Variants in CLVS2 observed in about 807,000 individuals in gnomAD.
CLVS2 encodes the protein clavesin-2.
In CLVS2, 19 loss-of-function variants were observed where a neutral mutation model predicts 29.0. The observed-to-expected ratio is 0.66, with a 90% CI of 0.46 to 0.96. The LOEUF is 0.96. Ranked by LOEUF, CLVS2 falls within the 40% of genes least tolerant of loss-of-function variation. The pLI, the probability that CLVS2 is intolerant of heterozygous loss-of-function variation, is 0.00. For synonymous variants in CLVS2, 161 were observed against 151.3 expected (o/e 1.06, Z -0.47); for missense variants, 294 against 404.1 (o/e 0.73, Z 2.34).
At chr6:123,058,704 G>A (rs1270982244) in intron 5 of CLVS2, among the ~76,000 whole-genome samples, 1 of 152,024 alleles carries the variant, frequency 6.6e-6, no homozygotes, top group Non-Finnish European at 1.5e-5. Flanking sequence ...AGGCTGGAGC[G>A]CAGTGGCGTG....
intron 5 of CLVS2, among the ~76,000 whole-genome samples, chr6:123,056,382 C>T (rs938676754): frequency 6.6e-6 from 1 of 152,138 alleles, no homozygotes; most frequent in South Asian, 2.1e-4. Flanking sequence ...CCCAAACCAT[C>T]CTGCCTCATC....
chr6:123,023,026 C>T (rs1165621867), intron 3 of CLVS2, among the ~76,000 whole-genome samples: 1 of 152,046 alleles, frequency 6.6e-6, no homozygotes. Context: ...GAAGTGAAAA[C>T]ACTCTTATGT....
chr6:123,034,045 T>G (rs1775116743), intron 3 of CLVS2, among the ~76,000 whole-genome samples: 1 of 152,092 alleles, frequency 6.6e-6, no homozygotes, highest in Non-Finnish European at 1.5e-5. Context: ...ATTTAATTTT[T>G]TAAAAAGTGA....
chr6:123,056,298 T>C (rs1236703476), intron 5 of CLVS2, among the ~76,000 whole-genome samples: 1 of 152,178 alleles, frequency 6.6e-6, no homozygotes, highest in African/African-American at 2.4e-5. Flanking sequence ...TGATGTATGA[T>C]AGATCTCCCA....
intron 3 of CLVS2, among the ~76,000 whole-genome samples, chr6:123,017,194 A>T (rs1774849485): frequency 6.6e-6 from 1 of 152,046 alleles, no homozygotes; most frequent in Non-Finnish European, 1.5e-5. Flanking sequence ...ATAAAACAAA[A>T]GGAGTCTGTG....
chr6:123,050,638 C>A (rs1290858816), intron 4 of CLVS2, among the ~76,000 whole-genome samples: 6 of 151,724 alleles, frequency 4.0e-5, no homozygotes, highest in Admixed American at 1.3e-4. Context: ...GCTATGGGGG[C>A]AGATGATAGG....
At chr6:122,996,901 C>A (rs1043133461) in intron 1 of CLVS2, among the ~76,000 whole-genome samples, 155 bp downstream of exon 1, 3 of 152,150 alleles carry the variant, frequency 2.0e-5, no homozygotes, top group Non-Finnish European at 2.9e-5. Context: ...CCCCCTCCCC[C>A]CTTTTCTCCA....
At chr6:123,014,439 G>T (rs1774797465) in intron 3 of CLVS2, among the ~76,000 whole-genome samples, 1 of 151,916 alleles carries the variant, frequency 6.6e-6, no homozygotes, top group South Asian at 2.1e-4. Context: ...CATGAATATA[G>T]TATAAGATCA....
intron 2 of CLVS2, among the ~76,000 whole-genome samples, chr6:123,000,956 A>G (rs1340775081): frequency 2.0e-5 from 3 of 152,256 alleles, no homozygotes; most frequent in South Asian, 2.1e-4. Flanking sequence ...TTCCAACTAC[A>G]AAAGGAAAAA....
At chr6:123,046,843 C>A (rs369102013) in intron 3 of CLVS2, among the ~76,000 whole-genome samples, 1 of 152,020 alleles carries the variant, frequency 6.6e-6, no homozygotes, top group Admixed American at 6.6e-5. Flanking sequence ...TTTCCATGTG[C>A]GTTGCTGAAC....
chr6:122,997,978 G>A lies in CLVS2; in HGVS notation c.201G>A (p.Glu67=). The change falls in exon 2 of 6, where the codon GAG becomes GAA. Residue 67 remains glutamate, a synonymous_variant. Transcript: ENST00000275162. ...FLRARKFHHF[E]AFRLLAQYFE... is the part of the protein sequence containing the mutation. ...GGGCTAGGAAGTTTCATCACTTTGAGGCCTTCCGCCTCCTGGCGCAGTACT... is the reference window on the plus strand; with the variant it reads ...GGGCTAGGAAGTTTCATCACTTTGAAGCCTTCCGCCTCCTGGCGCAGTACT... The A allele has an allele frequency of 6.2e-7, 1 of 1,614,080 alleles. No homozygotes were observed. Among genetic ancestry groups the A allele is most frequent in the Non-Finnish European group, 8.5e-7 (1 of 1,179,976 alleles).
chr6:123,070,048 A>T lies in CLVS2; in HGVS notation c.*6287A>T, dbSNP rs553495361. 1 of 152,044 alleles carries T rather than the reference A, an allele frequency of 6.6e-6. No individual in the cohort carries two copies. Among genetic ancestry groups the T allele is most frequent in the Non-Finnish European group, 1.5e-5 (1 of 67,884 alleles). The allele number at this position is 152,044 out of a possible 1,614,324, so 9.4% of individuals were successfully genotyped here. ...ATGCTGGTTTATAAATTATTACCTA[A>T]AAGTTTTATGAAATATAATTATTAA... On this transcript the variant is annotated 3_prime_UTR_variant, in exon 6 of 6. Coordinates refer to ENST00000275162, the MANE Select transcript of CLVS2 (RefSeq NM_001010852.4).
At chr6:123,062,318 T>C (rs1772790809) in intron 5 of CLVS2, among the ~76,000 whole-genome samples, 1 of 152,126 alleles carries the variant, frequency 6.6e-6, no homozygotes, top group South Asian at 2.1e-4. Flanking sequence ...TAAAGATGAT[T>C]ATGTATTATT....
Position 123,012,505 on chromosome 6 carries a change from A to C in CLVS2, c.564+1346A>C, listed in dbSNP as rs73769337. On this transcript the variant is annotated intron_variant, in intron 3 of 5. Coordinates refer to ENST00000275162, the MANE Select transcript of CLVS2 (RefSeq NM_001010852.4). Reference sequence around the variant, plus strand: ...TTTTTCTTTCCCAAGAAATTAAAAAAAAAACACTTCAAGAATAGACTCTTG... The same window carrying C: ...TTTTTCTTTCCCAAGAAATTAAAAACAAAACACTTCAAGAATAGACTCTTG... 1.9e-3 allele frequency among the ~76,000 whole-genome samples: 295 copies of C among 152,106 alleles called. 1 individual carries two copies. The highest frequency in any genetic ancestry group is 6.8e-3 in the African/African-American group (283 of 41,542).
At chr6:123,001,775 C>T (rs374486463) in intron 2 of CLVS2, among the ~76,000 whole-genome samples, 1 of 152,270 alleles carries the variant, frequency 6.6e-6, no homozygotes, top group Admixed American at 6.5e-5. Context: ...GAGGTTAACA[C>T]TGCTGGAGAA....
At chr6:123,051,708 A>C (rs1264348690) in intron 4 of CLVS2, among the ~76,000 whole-genome samples, 2 of 152,218 alleles carry the variant, frequency 1.3e-5, no homozygotes, top group South Asian at 2.1e-4. Context: ...ATCACTTAGC[A>C]TAATCTCTTT....
chr6:123,048,654 T>C lies in CLVS2; in HGVS notation c.597T>C (p.His199=). ...DSFPARFGGI[H]FVNQPWYIHA... The stretch of plus-strand genomic sequence containing the variant: ...TCCCAGCGCGATTTGGAGGAATTCA[T>C]TTTGTCAATCAACCATGGTATATCC... Residue 199 remains histidine, a synonymous_variant, in exon 4 of 6, where the codon CAT becomes CAC. Coordinates refer to ENST00000275162, the MANE Select transcript of CLVS2 (RefSeq NM_001010852.4). 1.2e-6 allele frequency: 2 copies of C among 1,613,558 alleles called. No individual in the cohort carries two copies. Among genetic ancestry groups the C allele is most frequent in the Non-Finnish European group, 1.7e-6 (2 of 1,179,554 alleles).
chr6:123,040,717 G>A (rs539308341), intron 3 of CLVS2, among the ~76,000 whole-genome samples: 5 of 150,866 alleles, frequency 3.3e-5, no homozygotes, highest in East Asian at 4.0e-4. Context: ...GCAGTGAGCC[G>A]AGATCGCGCC....
At position 123,051,163 on chromosome 6, in the gene CLVS2, T is replaced by C. The variant is rs1344073778; in HGVS notation, c.675+2431T>C. 5.3e-5 allele frequency among the ~76,000 whole-genome samples: 8 copies of C among 152,214 alleles called. No individual in the cohort carries two copies. The South Asian group carries it at 1.2e-3, about 24-fold the overall frequency. On this transcript the variant is annotated intron_variant, in intron 4 of 5. Transcript: ENST00000275162. ...TTATGCTTCGGATGCTATAAGTCTA[T>C]GTTCTGAAAAGCTAGTAAAAGAGAA...
Sources: allele counts gnomAD v4.1 joint callset (sites outside exome capture counted in the v4.1 genomes callset), GRCh38; gene constraint gnomAD v4.1.1; transcripts MANE v1.5; gene names NCBI Gene and HGNC (gene_info 2026-07-23, HGNC 2026-07-21).